Variants in NEK10 observed in about 807,000 individuals in gnomAD.
NEK10 encodes the protein NIMA related kinase 10, also known as serine/threonine-protein kinase Nek10.
Under a neutral mutation model 159.8 loss-of-function variants are expected in NEK10, and 122 were observed. The ratio of observed to expected loss-of-function variants is 0.76; its 90% confidence interval spans 0.66 to 0.89. The LOEUF is 0.89. Ranked by LOEUF, NEK10 falls within the 40% of genes least tolerant of loss-of-function variation. The pLI is 0.00. For missense variants in NEK10, 1,342 were observed against 1,323.1 expected (o/e 1.01, Z -0.22); for synonymous variants, 466 against 457.1 (o/e 1.02, Z -0.25).
intron 19 of NEK10, among the ~76,000 whole-genome samples, chr3:27,288,578 A>G (rs1332348409): frequency 1.3e-5 from 2 of 152,100 alleles, no homozygotes; most frequent in Non-Finnish European, 1.5e-5. Context: ...TCTCTCCTCT[A>G]TTACAATAGT....
chr3:27,267,585 A>G (rs1433557525), intron 22 of NEK10, among the ~76,000 whole-genome samples: 1 of 152,084 alleles, frequency 6.6e-6, no homozygotes, highest in Non-Finnish European at 1.5e-5. Flanking sequence ...TACTATTGTC[A>G]TTGTTTTGGG....
In NEK10 at chr3:27,178,063, C is replaced by T. The variant is rs139967399; in HGVS notation, c.2506-3230G>A. 3.2e-3 allele frequency among the ~76,000 whole-genome samples: 494 copies of T among 152,168 alleles called. 3 individuals are homozygous for T. The highest frequency in any genetic ancestry group is 0.011 in the African/African-American group (472 of 41,522). ...CAATACGGCGGCAAGGAGAATACAA[C>T]GCAAATCACACAATAAAATTATCAC... On this transcript the variant is annotated intron_variant, in intron 26 of 35. Transcript: ENST00000691995.
chr3:27,149,790 A>C (rs151338005), intron 30 of NEK10, among the ~76,000 whole-genome samples: 1 of 152,202 alleles, frequency 6.6e-6, no homozygotes, highest in Non-Finnish European at 1.5e-5. Context: ...CTTACTTTCA[A>C]TCAAAAGGCA....
chr3:27,242,251 C>T (rs189566761), intron 23 of NEK10, among the ~76,000 whole-genome samples: 53 of 152,294 alleles, frequency 3.5e-4, no homozygotes, highest in African/African-American at 1.3e-3. Flanking sequence ...AAGAATGAGG[C>T]TGTTGCTTCC....
intron 25 of NEK10, among the ~76,000 whole-genome samples, chr3:27,200,108 A>G (rs899035641): frequency 5.3e-5 from 8 of 152,222 alleles, no homozygotes; most frequent in African/African-American, 1.9e-4. Flanking sequence ...CTCTGAACTT[A>G]AAAATTTTAA....
intron 19 of NEK10, among the ~76,000 whole-genome samples, chr3:27,289,369 C>T (rs2042840515): frequency 6.6e-6 from 1 of 152,208 alleles, no homozygotes; most frequent in Admixed American, 6.5e-5. Context: ...CCTGCCACTA[C>T]CTCCTCCTTT....
rs535193339 is a variant in NEK10, at chr3:27,168,116, C to T, written c.2831+3703G>A. ...ACGTCTGACTTCTATATTTTGGAGG[C>T]TGTGGTCAGAACAGGTATGTACTTC... On this transcript the variant is annotated intron_variant, in intron 29 of 35. Transcript: ENST00000691995. Among the ~76,000 whole-genome samples, 5 of 152,236 alleles carry T rather than the reference C, an allele frequency of 3.3e-5. No homozygotes were observed. In the South Asian group the frequency reaches 1.0e-3, roughly 32 times the overall value.
At chr3:27,269,630 C>T (rs1326254347) in intron 22 of NEK10, among the ~76,000 whole-genome samples, 1 of 152,170 alleles carries the variant, frequency 6.6e-6, no homozygotes, top group African/African-American at 2.4e-5. Context: ...GTGAACACAA[C>T]GTGTACAAAC....
intron 5 of NEK10, among the ~76,000 whole-genome samples, chr3:27,339,792 A>C (rs2047073052): frequency 6.6e-6 from 1 of 151,810 alleles, no homozygotes. Flanking sequence ...AAAAAAAAAA[A>C]AAAACCCACA....
chr3:27,307,267 T>C (rs1321001348), intron 11 of NEK10, among the ~76,000 whole-genome samples: 1 of 152,202 alleles, frequency 6.6e-6, no homozygotes. Flanking sequence ...TGGAGATTTC[T>C]TTTTATCTAT....
chr3:27,228,700 C>A (rs941462543), intron 23 of NEK10, among the ~76,000 whole-genome samples: 7 of 152,284 alleles, frequency 4.6e-5, no homozygotes, highest in African/African-American at 1.7e-4. Context: ...AGGAGGAGCA[C>A]TCCCCAGATT....
At chr3:27,122,582 T>G (rs1941466313) in intron 32 of NEK10, among the ~76,000 whole-genome samples, 1 of 152,190 alleles carries the variant, frequency 6.6e-6, no homozygotes, top group South Asian at 2.1e-4. Flanking sequence ...AGCTTTTTAA[T>G]GTCTTGTGAT....
rs1005480767 is a variant in NEK10 at position 27,106,629 on chromosome 3, C to T, written c.*4643G>A. Among the ~76,000 whole-genome samples, 1 of 152,184 alleles carries T rather than the reference C, an allele frequency of 6.6e-6. No homozygotes were observed. The highest frequency in any genetic ancestry group is 1.5e-5 in the Non-Finnish European group (1 of 68,036). On this transcript the variant is annotated 3_prime_UTR_variant, in exon 36 of 36. Coordinates refer to ENST00000691995, the MANE Select transcript of NEK10 (RefSeq NM_001394966.1). ...TTTGTAAGTGACCTTCACAGTCTGC[C>T]TTAAAGGTGCCAAGGCCTTAAAGCA... is the stretch of plus-strand genomic sequence containing the variant.
At chr3:27,165,987 T>C (rs1291835240) in intron 29 of NEK10, among the ~76,000 whole-genome samples, 1 of 152,220 alleles carries the variant, frequency 6.6e-6, no homozygotes, top group African/African-American at 2.4e-5. Context: ...TATTCCATCA[T>C]TTAATTCAAT....
At chr3:27,198,543 T>G (rs1347194023) in intron 25 of NEK10, among the ~76,000 whole-genome samples, 2 of 152,064 alleles carry the variant, frequency 1.3e-5, no homozygotes, top group African/African-American at 4.8e-5. Context: ...GGGGAAAGAT[T>G]CCCTATGTAA....
intron 1 of NEK10, among the ~76,000 whole-genome samples, chr3:27,355,093 T>A (rs1057014865): frequency 6.6e-6 from 1 of 152,182 alleles, no homozygotes; most frequent in Non-Finnish European, 1.5e-5. Context: ...CTGTGGGTAA[T>A]GAAGGTAAAG....
intron 5 of NEK10, among the ~76,000 whole-genome samples, chr3:27,330,454 C>T (rs1472857551): frequency 6.6e-6 from 1 of 152,066 alleles, no homozygotes; most frequent in Admixed American, 6.5e-5. Flanking sequence ...TTTGTATGTG[C>T]ATAATAATCT....
intron 5 of NEK10, among the ~76,000 whole-genome samples, chr3:27,334,585 A>G (rs928111922): frequency 2.0e-5 from 3 of 152,170 alleles, no homozygotes; most frequent in Admixed American, 2.0e-4. Context: ...AGCCTCCAAT[A>G]ATAACTACAG....
chr3:27,250,184 A>G (rs532651454), intron 23 of NEK10, among the ~76,000 whole-genome samples: 2 of 150,384 alleles, frequency 1.3e-5, no homozygotes, highest in Non-Finnish European at 3.0e-5. Context: ...TTTTCTGTGT[A>G]TTTACTATTT....
Sources: allele counts gnomAD v4.1 joint callset (sites outside exome capture counted in the v4.1 genomes callset), GRCh38; gene constraint gnomAD v4.1.1; transcripts MANE v1.5; gene names NCBI Gene and HGNC (gene_info 2026-07-23, HGNC 2026-07-21).